The following SLC66A2 variants were observed in gnomAD, a reference collection of about 807,000 sequenced individuals.
SLC66A2 encodes the protein PQ loop repeat containing 1.
Under a neutral mutation model 25.5 loss-of-function variants are expected in SLC66A2, and 23 were observed. The observed-to-expected ratio is 0.90, with a 90% CI of 0.65 to 1.28. The LOEUF (loss-of-function observed/expected upper bound fraction) is 1.28, where lower values mean the gene tolerates loss of function less well. SLC66A2 is among the 50% of genes most tolerant of loss of function. The pLI, the probability that SLC66A2 is intolerant of heterozygous loss-of-function variation, is 0.00. For missense variants in SLC66A2, 396 were observed against 373.1 expected (o/e 1.06, Z -0.51); for synonymous variants, 193 against 166.5 (o/e 1.16, Z -1.23).
intron 2 of SLC66A2, chr18:79,944,722 CAA>C (rs1167123777): frequency 6.6e-6 from 1 of 152,460 alleles, no homozygotes; most frequent in East Asian, 1.9e-4. Context: ...ACCAACATGT[CAA>C]AGTCAGGAGA....
At chr18:79,916,919 T>A (rs768018863) in intron 5 of SLC66A2, among the ~76,000 whole-genome samples, 18 of 152,316 alleles carry the variant, frequency 1.2e-4, no homozygotes, top group Non-Finnish European at 1.8e-4. Context: ...GCGATGGGTG[T>A]CTAAGTGTGG....
rs1307920794 is a variant in SLC66A2 at position 79,927,323 on chromosome 18, G to A, written c.391+6646C>T. 2.9e-5 allele frequency among the ~76,000 whole-genome samples: 4 copies of A among 137,458 alleles called. No individual in the cohort carries two copies. Among genetic ancestry groups the A allele is most frequent in the African/African-American group, 1.4e-4 (4 of 28,714 alleles). The allele number at this position is 137,458 out of a possible 152,430, so 90.2% of individuals were successfully genotyped here. A position where few individuals can be genotyped will look rare whatever the true frequency, so the allele number is the denominator to read the frequency against. ...CACAGGCTACAGTCGGGAGAGCCCCGGGCAGGCACACAGGGGCTCATCTGG... is the reference window on the plus strand; with the variant it reads ...CACAGGCTACAGTCGGGAGAGCCCCAGGCAGGCACACAGGGGCTCATCTGG... On this transcript the variant is annotated intron_variant, in intron 4 of 5. Transcript: ENST00000397778. This position sits in a 1 kb window ranked among gnomAD's most constrained non-coding sequence, Gnocchi z 6.2.
intron 5 of SLC66A2, among the ~76,000 whole-genome samples, chr18:79,909,928 TCAC>T (rs539308351): frequency 2.3e-5 from 2 of 85,390 alleles, no homozygotes; most frequent in East Asian, 7.5e-4. Flanking sequence ...CCCCACCATC[TCAC>T]CACAGTCCCC....
At position 79,950,874 on chromosome 18, in the gene SLC66A2, G is replaced by A. The variant is rs867632983; in HGVS notation, c.53C>T (p.Ser18Phe). 1.9e-6 allele frequency: 3 copies of A among 1,605,674 alleles called. No individual in the cohort carries two copies. The highest frequency in any genetic ancestry group is 2.3e-5 in the East Asian group (1 of 44,244). Residue 18 changes from serine (S) to phenylalanine (F), a missense_variant, in exon 2 of 6, where the codon TCC (serine) becomes TTC (phenylalanine). Ser to Phe is a radical substitution (Grantham distance 155). Coordinates refer to ENST00000397778, the MANE Select transcript of SLC66A2 (RefSeq NM_025078.5). The stretch of plus-strand genomic sequence containing the variant: ...GACCATGGCCGCGGCCGCGCCCCAG[G>A]ACACCAGCTGGTGCAGTGGCACCAG... Reference protein sequence around the residue: ...WLLVPLHQLVSWGAAAAMVFG... With the variant: ...WLLVPLHQLVFWGAAAAMVFG...
chr18:79,942,963 C>A (rs1987812429), intron 3 of SLC66A2, among the ~76,000 whole-genome samples: 1 of 152,134 alleles, frequency 6.6e-6, no homozygotes, highest in South Asian at 2.1e-4. Flanking sequence ...TGTGTACAGG[C>A]CACGCACACA....
intron 2 of SLC66A2, among the ~76,000 whole-genome samples, chr18:79,947,815 G>A (rs1209152311): frequency 6.7e-6 from 1 of 148,954 alleles, no homozygotes. Context: ...CCTGGAGAGG[G>A]GAAGCCAGGA....
At position 79,937,770 on chromosome 18, in the gene SLC66A2, G is replaced by A. The variant is rs1987247797; in HGVS notation, c.338-3748C>T. 6.6e-6 allele frequency among the ~76,000 whole-genome samples: 1 copy of A among 152,110 alleles called. No individual in the cohort carries two copies. The highest frequency in any genetic ancestry group is 6.5e-5 in the Admixed American group (1 of 15,268). ...ATGCTCTTTCACAGAAAGAGCCAAG[G>A]ACAGAACACCTTGTCCTTGTCCACA... On this transcript the variant is annotated intron_variant, in intron 3 of 5. Transcript: ENST00000397778. This position sits in a 1 kb window ranked among gnomAD's most constrained non-coding sequence, Gnocchi z 5.4.
intron 2 of SLC66A2, among the ~76,000 whole-genome samples, chr18:79,948,328 C>T (rs969999551): frequency 6.6e-6 from 1 of 152,156 alleles, no homozygotes; most frequent in South Asian, 2.1e-4. Context: ...TTCTCCAAAC[C>T]GATACTTAGA....
At chr18:79,947,700 G>A (rs1381608917) in intron 2 of SLC66A2, among the ~76,000 whole-genome samples, 3 of 114,564 alleles carry the variant, frequency 2.6e-5, no homozygotes, top group Non-Finnish European at 5.7e-5. Context: ...CTGCGCATGC[G>A]TGGAGCTGGG....
chr18:79,917,231 T>TC lies in SLC66A2; in HGVS notation c.608+1952dup, dbSNP rs1984301553. Among the ~76,000 whole-genome samples, 1 of 152,092 alleles carries TC rather than the reference T, an allele frequency of 6.6e-6. No individual in the cohort carries two copies. The highest frequency in any genetic ancestry group is 1.5e-5 in the Non-Finnish European group (1 of 68,004). On this transcript the variant is annotated intron_variant, in intron 5 of 5. Coordinates refer to ENST00000397778, the MANE Select transcript of SLC66A2 (RefSeq NM_025078.5). The surrounding 1 kb of genome is among the most constrained non-coding windows in gnomAD (Gnocchi z 6.0). ...CTCGGGTTTGAAGAGGATTCCCACG[T>TC]CCCCCCAGCTGACGGGGCAGCCCCT...
At chr18:79,911,544 C>T (rs1290122904) in intron 5 of SLC66A2, among the ~76,000 whole-genome samples, 3 of 152,372 alleles carry the variant, frequency 2.0e-5, no homozygotes, top group South Asian at 2.1e-4. Context: ...GGGGCCCTGA[C>T]GCACAGGTGC....
intron 4 of SLC66A2, among the ~76,000 whole-genome samples, chr18:79,928,057 A>G (rs1295275144): frequency 6.6e-6 from 1 of 152,152 alleles, no homozygotes; most frequent in Non-Finnish European, 1.5e-5. Flanking sequence ...CCAACGGTGG[A>G]CAGGTGAGAG....
intron 4 of SLC66A2, among the ~76,000 whole-genome samples, chr18:79,929,625 C>T (rs1220263397): frequency 2.0e-5 from 3 of 152,078 alleles, no homozygotes; most frequent in Non-Finnish European, 2.9e-5. Flanking sequence ...AGGTGTTGGA[C>T]TCAGTAGAAG....
intron 4 of SLC66A2, among the ~76,000 whole-genome samples, chr18:79,932,941 A>G (rs1039361122): frequency 2.0e-5 from 3 of 152,248 alleles, no homozygotes; most frequent in South Asian, 2.1e-4. Flanking sequence ...AACATTTCCC[A>G]ACTTATTCTA....
At position 79,917,306 on chromosome 18, in the gene SLC66A2, C is replaced by T. The variant is rs1318798706; in HGVS notation, c.608+1878G>A. Among the ~76,000 whole-genome samples, 1 of 152,226 alleles carries T rather than the reference C, an allele frequency of 6.6e-6. No individual in the cohort carries two copies. The highest frequency in any genetic ancestry group is 1.5e-5 in the Non-Finnish European group (1 of 68,028). On this transcript the variant is annotated intron_variant, in intron 5 of 5. Coordinates refer to ENST00000397778, the MANE Select transcript of SLC66A2 (RefSeq NM_025078.5). The surrounding 1 kb of genome is among the most constrained non-coding windows in gnomAD (Gnocchi z 6.0). ...CTGCGCTGAACAGCAAAACCTGCTA[C>T]CCTGGAATCGAGAGCAACAGCTCCT...
At position 79,902,760 on chromosome 18, in the gene SLC66A2, G is replaced by A. The variant is rs911648936; in HGVS notation, c.*1216C>T. ...CGATGCCTGTTGGAGCCGCACGGAA[G>A]CATCCAGAACTCTGAGGCCTGGGGG... On this transcript the variant is annotated 3_prime_UTR_variant, in exon 6 of 6. Transcript: ENST00000397778. 4 of 152,404 alleles carry A rather than the reference G, an allele frequency of 2.6e-5. No homozygotes were observed. Among genetic ancestry groups the A allele is most frequent in the Admixed American group, 1.3e-4 (2 of 15,290 alleles). 9.4% of individuals were successfully genotyped at this position (152,404 alleles called of 1,614,324 possible). A position where few individuals can be genotyped will look rare whatever the true frequency, so the allele number is the denominator to read the frequency against.
chr18:79,908,472 T>C (rs982772393), intron 5 of SLC66A2, among the ~76,000 whole-genome samples: 3 of 152,224 alleles, frequency 2.0e-5, no homozygotes, highest in Non-Finnish European at 4.4e-5. Flanking sequence ...TCGACATTTT[T>C]TATTTGACTT....
At chr18:79,916,396 C>A (rs1345814878) in intron 5 of SLC66A2, among the ~76,000 whole-genome samples, 1 of 152,206 alleles carries the variant, frequency 6.6e-6, no homozygotes, top group Non-Finnish European at 1.5e-5. Context: ...ATCTCTCTGA[C>A]CTTTTGCCCT....
chr18:79,909,215 C>T (rs9963344), intron 5 of SLC66A2, among the ~76,000 whole-genome samples: 83,848 of 152,044 alleles, frequency 0.55, 24,013 homozygotes, highest in South Asian at 0.74. Context: ...TTCAAAACCT[C>T]CCTTTTGATC....
Sources: allele counts gnomAD v4.1 joint callset (sites outside exome capture counted in the v4.1 genomes callset), GRCh38; gene constraint gnomAD v4.1.1; non-coding constraint Gnocchi (gnomAD v3.1); transcripts MANE v1.5; gene names NCBI Gene and HGNC (gene_info 2026-07-23, HGNC 2026-07-21).